The following EIF1AD variants were observed in gnomAD, a reference collection of about 807,000 sequenced individuals.
EIF1AD encodes the protein eukaryotic translation initiation factor 1A domain containing.
EIF1AD carries 9 observed loss-of-function variants against 21.7 expected under a neutral mutation model. The observed-to-expected ratio is 0.41, with a 90% CI of 0.25 to 0.72. EIF1AD has a LOEUF of 0.72. EIF1AD is among the 30% of genes least tolerant of loss of function. The pLI is 0.29. For synonymous variants in EIF1AD, 78 were observed against 70.9 expected, an observed-to-expected ratio of 1.10 and a Z score of -0.50; for missense variants, 164 against 199.7, an observed-to-expected ratio of 0.82 and a Z score of 1.08.
rs1426109326 is a variant in EIF1AD at position 66,000,424 on chromosome 11, G to A, written c.-35C>T. On this transcript the variant is annotated 5_prime_UTR_variant, in exon 2 of 6. Coordinates refer to ENST00000533544, the MANE Select transcript of EIF1AD (RefSeq NM_001242481.2). ...GTCCCACACTGGTTAGGAACGAAGA[G>A]ACTGTCAACTCCTCCTCCTGAGTTC... 1.9e-6 allele frequency: 3 copies of A among 1,567,688 alleles called. No individual in the cohort carries two copies. Among genetic ancestry groups the A allele is most frequent in the Admixed American group, 1.9e-5 (1 of 53,578 alleles).
intron 3 of EIF1AD, 135 bp from the exon 4 acceptor site, chr11:65,999,810 T>C (rs1855875069): frequency 1.5e-6 from 1 of 689,488 alleles, no homozygotes; most frequent in African/African-American, 1.8e-5. Context: ...TGAGACAGGG[T>C]CTTGCTCTGT....
At chr11:66,000,193 T>C (rs773836534) in intron 2 of EIF1AD, 32 bp from the exon 3 acceptor site, 7 of 1,607,814 alleles carry the variant, frequency 4.4e-6, no homozygotes, top group Non-Finnish European at 6.0e-6. Context: ...ATCAGTCTCA[T>C]CAGTCAGATC....
In EIF1AD at chr11:65,999,416, CAA is replaced by C. The variant is rs781160197; in HGVS notation, c.306-21_306-20del. On this transcript the variant is annotated intron_variant, in intron 4 of 5. Transcript: ENST00000533544. ...CTCAGGCCTATGCCAAGAGATGAGCCAAAGTCAGAAAGGACAAATAAATTTCT... is the reference window on the plus strand; with the variant it reads ...CTCAGGCCTATGCCAAGAGATGAGCCAGTCAGAAAGGACAAATAAATTTCT... The C allele has an allele frequency of 1.9e-6, 3 of 1,614,216 alleles. No individual in the cohort carries two copies. The East Asian group carries it at 6.7e-5, about 36-fold the overall frequency.
chr11:65,999,488 C>A, intron 4 of EIF1AD, 79 bp downstream of exon 4: 1 of 1,590,778 alleles, frequency 6.3e-7, no homozygotes, highest in Non-Finnish European at 8.6e-7. Flanking sequence ...GATGCCATGA[C>A]CTTCCCTCCC....
chr11:65,998,822 A>C (rs1855826082), intron 5 of EIF1AD, 79 bp from the exon 6 acceptor site: 6 of 1,534,636 alleles, frequency 3.9e-6, no homozygotes, highest in Non-Finnish European at 5.3e-6. Context: ...TTCCAAAAAA[A>C]GGACCATCCG....
intron 5 of EIF1AD, among the ~76,000 whole-genome samples, 169 bp downstream of exon 5, chr11:65,999,181 C>G: frequency 6.6e-6 from 1 of 152,208 alleles, no homozygotes. Flanking sequence ...GATTTTAACC[C>G]AGAGCATCTG....
chr11:66,001,787 G>A (rs1183785753), intron 1 of EIF1AD, 123 bp downstream of exon 1: 4 of 152,218 alleles, frequency 2.6e-5, no homozygotes, highest in Non-Finnish European at 4.4e-5. Flanking sequence ...TGCGTACTTA[G>A]AAGACGAAGG....
chr11:66,000,632 A>C, intron 1 of EIF1AD, 127 bp from the exon 2 acceptor site: 5 of 517,486 alleles, frequency 9.7e-6, no homozygotes, highest in South Asian at 2.2e-5. Flanking sequence ...ATAACAGCTA[A>C]CTCAGCACTG....
intron 1 of EIF1AD, among the ~76,000 whole-genome samples, chr11:66,001,438 C>T (rs1471363344): frequency 6.9e-6 from 1 of 144,816 alleles, no homozygotes; most frequent in Non-Finnish European, 1.5e-5. Flanking sequence ...CGCCACTGCA[C>T]TCCAGCCTGG....
intron 5 of EIF1AD, 22 bp downstream of exon 5, chr11:65,999,328 C>T (rs543169917): frequency 6.2e-7 from 1 of 1,614,228 alleles, no homozygotes; most frequent in East Asian, 2.2e-5. Flanking sequence ...CCATGTACCC[C>T]ACCCCAAGGC....
In EIF1AD at chr11:66,000,457, G is replaced by A. The variant is rs1480801687; in HGVS notation, c.-68C>T. On this transcript the variant is annotated 5_prime_UTR_variant, in exon 2 of 6. Coordinates refer to ENST00000533544, the MANE Select transcript of EIF1AD (RefSeq NM_001242481.2). Reference sequence around the variant, plus strand: ...ACTCCTCCTCCTGAGTTCCTTGGATGGCAGGCTCAGAACCCAGGACTGTTC... The same window carrying A: ...ACTCCTCCTCCTGAGTTCCTTGGATAGCAGGCTCAGAACCCAGGACTGTTC... 32 of 1,491,882 alleles carry A rather than the reference G, an allele frequency of 2.1e-5. No homozygotes were observed. The highest frequency in any genetic ancestry group is 2.9e-5 in the Non-Finnish European group (32 of 1,095,272). The allele number at this position is 1,491,882 out of a possible 1,614,324, so 92.4% of individuals were successfully genotyped here.
chr11:66,000,475 G>C lies in EIF1AD; in HGVS notation c.-86C>G. 7 of 1,374,844 alleles carry C rather than the reference G, an allele frequency of 5.1e-6. No homozygotes were observed. Among genetic ancestry groups the C allele is most frequent in the Non-Finnish European group, 7.1e-6 (7 of 992,584 alleles). 85.2% of individuals were successfully genotyped at this position (1,374,844 alleles called of 1,614,324 possible). The stretch of plus-strand genomic sequence containing the variant: ...CTTGGATGGCAGGCTCAGAACCCAG[G>C]ACTGTTCTGAAGATGGGGAGGGGCC... On this transcript the variant is annotated 5_prime_UTR_variant, in exon 2 of 6. Transcript: ENST00000533544.
chr11:65,999,697 G>A (rs368224000), intron 3 of EIF1AD, 22 bp from the exon 4 acceptor site: 14 of 1,553,246 alleles, frequency 9.0e-6, no homozygotes, highest in Admixed American at 1.7e-5. Context: ...AAGAGAAAAG[G>A]CAAAGTCAGG....
rs892831468 is a variant in EIF1AD at position 66,000,508 on chromosome 11, G to A, written c.-116-3C>T. On this transcript the variant is annotated splice_region_variant and splice_polypyrimidine_tract_variant and intron_variant, in intron 1 of 5. Transcript: ENST00000533544. ...TGAAGATGGGGAGGGGCCTTTTACT[G>A]AGGGGTGACACGGTGTCTTGGTTAA... The A allele has an allele frequency of 4.3e-6, 4 of 919,786 alleles. No individual in the cohort carries two copies. The allele number at this position is 919,786 out of a possible 1,614,324, so 57.0% of individuals were successfully genotyped here.
chr11:66,000,763 CAG>C, intron 1 of EIF1AD: 1 of 187,788 alleles, frequency 5.3e-6, no homozygotes, highest in South Asian at 1.1e-4. Flanking sequence ...TGGAAAGAAA[CAG>C]AAGTAAGATA....
rs1855785207 is a variant in EIF1AD, at chr11:65,997,805, G to C, written c.*794C>G. The C allele has an allele frequency of 1.3e-5, 2 of 152,294 alleles. No individual in the cohort carries two copies. Among genetic ancestry groups the C allele is most frequent in the African/African-American group, 4.8e-5 (2 of 41,450 alleles). 9.4% of individuals were successfully genotyped at this position (152,294 alleles called of 1,614,324 possible). A position where few individuals can be genotyped will look rare whatever the true frequency, so the allele number is the denominator to read the frequency against. ...AGTGAAGGCAGAAGGTTACTCATGA[G>C]AATGTCAGGGCTGGTTAGAAGAATG... is the stretch of plus-strand genomic sequence containing the variant. On this transcript the variant is annotated 3_prime_UTR_variant, in exon 6 of 6. Transcript: ENST00000533544.
At chr11:65,999,478 G>C in intron 4 of EIF1AD, 81 bp from the exon 5 acceptor site, 1 of 1,609,064 alleles carries the variant, frequency 6.2e-7, no homozygotes. Flanking sequence ...GTCTGCCTGG[G>C]ATGCCATGAC....
intron 3 of EIF1AD, 86 bp from the exon 4 acceptor site, chr11:65,999,761 G>C (rs751443925): frequency 1.1e-4 from 105 of 927,140 alleles, no homozygotes; most frequent in Admixed American, 4.4e-4. Context: ...ATCTCCTAGA[G>C]AGGGCTGCCT....
intron 1 of EIF1AD, among the ~76,000 whole-genome samples, chr11:66,001,137 C>T (rs1855938696): frequency 6.6e-6 from 1 of 152,156 alleles, no homozygotes. Context: ...GTCTGCGACT[C>T]GTCCTGCTAC....
Sources: allele counts gnomAD v4.1 joint callset (sites outside exome capture counted in the v4.1 genomes callset), GRCh38; gene constraint gnomAD v4.1.1; transcripts MANE v1.5; gene names NCBI Gene and HGNC (gene_info 2026-07-23, HGNC 2026-07-21).